C8orf58: variants seen among roughly 807,000 people sequenced by gnomAD.
The protein encoded by C8orf58 is chromosome 8 open reading frame 58.
C8orf58 carries 31 observed loss-of-function variants against 36.8 expected under a neutral mutation model. That is an observed-to-expected ratio of 0.84 (90% CI 0.63 to 1.14). The LOEUF (loss-of-function observed/expected upper bound fraction) is 1.14, where lower values mean the gene tolerates loss of function less well. Ranked by LOEUF, C8orf58 falls within the 50% of genes most tolerant of loss-of-function variation. C8orf58 has a pLI of 0.00. For missense variants in C8orf58, 538 were observed against 480.8 expected (o/e 1.12, Z -1.11); for synonymous variants, 230 against 200.2 (o/e 1.15, Z -1.26).
rs1401533798 is a variant in C8orf58 at position 22,603,688 on chromosome 8, C to G, written c.*382C>G. ...TCTGTGTGACTGTCAGTGTTGCAAGCTGGCTGGATCCAACCATCTCTTCTG... is the reference window on the plus strand; with the variant it reads ...TCTGTGTGACTGTCAGTGTTGCAAGGTGGCTGGATCCAACCATCTCTTCTG... On this transcript the variant is annotated 3_prime_UTR_variant, in exon 7 of 7. Transcript: ENST00000289989. The G allele has an allele frequency of 1.5e-5, 5 of 340,698 alleles. No individual in the cohort carries two copies. The highest frequency in any genetic ancestry group is 2.9e-5 in the Non-Finnish European group (5 of 173,698). The allele number at this position is 340,698 out of a possible 1,614,324, so 21.1% of individuals were successfully genotyped here.
At position 22,599,639 on chromosome 8, in the gene C8orf58, C is replaced by T; in HGVS notation, c.-82C>T. The T allele has an allele frequency of 1.2e-6, 1 of 809,396 alleles. No individual in the cohort carries two copies. 50.1% of individuals were successfully genotyped at this position (809,396 alleles called of 1,614,324 possible). A position where few individuals can be genotyped will look rare whatever the true frequency, so the allele number is the denominator to read the frequency against. On this transcript the variant is annotated 5_prime_UTR_variant, in exon 1 of 7. Transcript: ENST00000289989. ...GCCCAGCTGGGTCGGGACGCGCTCCCTGAGCTGCCCGAGCTCCGCGGGGAC... is the reference window on the plus strand; with the variant it reads ...GCCCAGCTGGGTCGGGACGCGCTCCTTGAGCTGCCCGAGCTCCGCGGGGAC...
At chr8:22,601,938 C>G in intron 3 of C8orf58, 34 bp from the exon 4 acceptor site, 1 of 1,545,876 alleles carries the variant, frequency 6.5e-7, no homozygotes, top group Non-Finnish European at 8.7e-7. Context: ...AGCCCTCTAG[C>G]CAGGCCCTGA....
In C8orf58 at chr8:22,599,658, C is replaced by T; in HGVS notation, c.-63C>T. The T allele has an allele frequency of 1.0e-6, 1 of 961,820 alleles. No homozygotes were observed. The highest frequency in any genetic ancestry group is 1.3e-6 in the Non-Finnish European group (1 of 751,156). The allele number at this position is 961,820 out of a possible 1,614,324, so 59.6% of individuals were successfully genotyped here. On this transcript the variant is annotated 5_prime_UTR_variant, in exon 1 of 7. Transcript: ENST00000289989. ...CGCTCCCTGAGCTGCCCGAGCTCCGCGGGGACTCGGGCCGGGATCCTCGGG... is the reference window on the plus strand; with the variant it reads ...CGCTCCCTGAGCTGCCCGAGCTCCGTGGGGACTCGGGCCGGGATCCTCGGG...
Position 22,603,658 on chromosome 8 carries a change from A to G in C8orf58, c.*352A>G, listed in dbSNP as rs1319032461. ...TGTGTATTTATGCGCAATGGTATGCATATCTCTGTGTGACTGTCAGTGTTG... is the reference window on the plus strand; with the variant it reads ...TGTGTATTTATGCGCAATGGTATGCGTATCTCTGTGTGACTGTCAGTGTTG... On this transcript the variant is annotated 3_prime_UTR_variant, in exon 7 of 7. Transcript: ENST00000289989. 1 of 373,046 alleles carries G rather than the reference A, an allele frequency of 2.7e-6. No individual in the cohort carries two copies. The highest frequency in any genetic ancestry group is 3.7e-5 in the Admixed American group (1 of 26,668). The allele number at this position is 373,046 out of a possible 1,614,324, so 23.1% of individuals were successfully genotyped here.
intron 3 of C8orf58, 57 bp downstream of exon 3, chr8:22,601,909 C>T: frequency 1.3e-6 from 2 of 1,557,278 alleles, no homozygotes; most frequent in Non-Finnish European, 1.7e-6. Context: ...GGAACCATGG[C>T]TGCCCTCAGA....
intron 5 of C8orf58, 55 bp downstream of exon 5, chr8:22,602,367 G>A (rs761629794): frequency 1.8e-6 from 2 of 1,111,534 alleles, no homozygotes; most frequent in Admixed American, 2.0e-5. Context: ...GGGAGGGGAG[G>A]TGGGGGATGC....
At chr8:22,603,091 A>G in intron 6 of C8orf58, 104 bp from the exon 7 acceptor site, 1 of 844,032 alleles carries the variant, frequency 1.2e-6, no homozygotes, top group African/African-American at 1.7e-5. Flanking sequence ...GGCTGCGCCC[A>G]CACCCAGCTA....
chr8:22,600,796 T>G, intron 1 of C8orf58, 86 bp from the exon 2 acceptor site: 5 of 1,174,100 alleles, frequency 4.3e-6, no homozygotes, highest in Non-Finnish European at 6.0e-6. Flanking sequence ...CCGGGACACT[T>G]CTCCCTGGGG....
rs764326504 is a variant in C8orf58 at position 22,601,336 on chromosome 8, G to C, written c.495G>C (p.Glu165Asp). Residue 165 changes from glutamate to aspartate, a missense_variant, in exon 2 of 7, where the codon GAG (glutamate) becomes GAC (aspartate). Physicochemically the swap from Glu to Asp is conservative, Grantham distance 45. Transcript: ENST00000289989. ...QESMEADTDL[E>D]AGLEEEAVGG... ...CCATGGAGGCAGACACAGACCTAGA[G>C]GCAGGCCTGGAAGAAGAGGCGGTGA... is the stretch of plus-strand genomic sequence containing the variant. 2.6e-5 allele frequency: 42 copies of C among 1,587,032 alleles called. No individual in the cohort carries two copies. The highest frequency in any genetic ancestry group is 1.2e-4 in the Admixed American group (7 of 58,510).
chr8:22,599,953 C>G (rs908185726), intron 1 of C8orf58, 193 bp downstream of exon 1: 1 of 367,396 alleles, frequency 2.7e-6, no homozygotes, highest in African/African-American at 2.1e-5. Flanking sequence ...GCTGGAACCC[C>G]TTTGGGCCCA....
intron 1 of C8orf58, chr8:22,600,592 G>A (rs953802471): frequency 2.3e-6 from 1 of 432,058 alleles, no homozygotes. Context: ...TCCTAGGTGG[G>A]AAGCGCAGGC....
Position 22,602,274 on chromosome 8 carries a change from G to A in C8orf58, c.841G>A (p.Glu281Lys). The A allele has an allele frequency of 1.3e-6, 2 of 1,576,588 alleles. No individual in the cohort carries two copies. The highest frequency in any genetic ancestry group is 2.7e-5 in the African/African-American group (2 of 73,690). Residue 281 changes from glutamate (E) to lysine (K), a missense_variant, in exon 5 of 7, where the codon GAG becomes AAG. Coordinates refer to ENST00000289989, the MANE Select transcript of C8orf58 (RefSeq NM_001013842.3). ...TCCCAGGCTGCCAGAAACCCCAGTG[G>A]AGCCAACGTACCACTTGCCATCCTC... ...NPPRLPETPV[E>K]PTYHLPSSQG...
intron 4 of C8orf58, 60 bp downstream of exon 4, chr8:22,602,140 C>T: frequency 6.4e-7 from 1 of 1,553,812 alleles, no homozygotes; most frequent in East Asian, 2.4e-5. Flanking sequence ...AGCAGGTCCT[C>T]TGAGCCGAAG....
At position 22,603,416 on chromosome 8, in the gene C8orf58, C is replaced by T; in HGVS notation, c.*110C>T. 1 of 783,534 alleles carries T rather than the reference C, an allele frequency of 1.3e-6. No homozygotes were observed. Among genetic ancestry groups the T allele is most frequent in the South Asian group, 1.4e-5 (1 of 70,092 alleles). The allele number at this position is 783,534 out of a possible 1,614,324, so 48.5% of individuals were successfully genotyped here. On this transcript the variant is annotated 3_prime_UTR_variant, in exon 7 of 7. Transcript: ENST00000289989. The stretch of plus-strand genomic sequence containing the variant: ...ACATTGCCAGGAAAAGCTGCTGACG[C>T]CTGCCCTCCTCTCTTGAGTCGAGGG...
In C8orf58 at chr8:22,603,315, G is replaced by A. The variant is rs776773199; in HGVS notation, c.*9G>A. ...ACCTTTCTGTAGGCTGAGACCTCTC[G>A]GTGCACCTGGTGACCCTGGGTGGAG... On this transcript the variant is annotated 3_prime_UTR_variant, in exon 7 of 7. Transcript: ENST00000289989. 43 of 1,581,142 alleles carry A rather than the reference G, an allele frequency of 2.7e-5. No homozygotes were observed. Among genetic ancestry groups the A allele is most frequent in the Non-Finnish European group, 3.4e-5 (39 of 1,150,458 alleles).
rs1238360742 is a variant in C8orf58 at position 22,601,939 on chromosome 8, C to G, written c.658-33C>G. On this transcript the variant is annotated intron_variant, in intron 3 of 6. Transcript: ENST00000289989. ...CTCAGAGCAGCTTCAGCCCTCTAGC[C>G]AGGCCCTGATCACCTGTCTCTCCTG... 4 of 1,546,022 alleles carry G rather than the reference C, an allele frequency of 2.6e-6. No homozygotes were observed. The East Asian group carries it at 6.8e-5, about 26-fold the overall frequency.
At position 22,601,262 on chromosome 8, in the gene C8orf58, G is replaced by C; in HGVS notation, c.421G>C (p.Ala141Pro). The stretch of plus-strand genomic sequence containing the variant: ...AGGACAACACCGCTCCCTGCGGCTG[G>C]CAAGCAAGCCTGAGCGTGAAGTGCC... Reference protein sequence around the residue: ...LSGQHRSLRLASKPEREVPLG... With the variant: ...LSGQHRSLRLPSKPEREVPLG... The change falls in exon 2 of 7, where the codon GCA (alanine) becomes CCA (proline). Residue 141 changes from alanine to proline, a missense_variant. Coordinates refer to ENST00000289989, the MANE Select transcript of C8orf58 (RefSeq NM_001013842.3). 1.2e-6 allele frequency: 2 copies of C among 1,610,062 alleles called. No individual in the cohort carries two copies. Among genetic ancestry groups the C allele is most frequent in the Non-Finnish European group, 1.7e-6 (2 of 1,178,370 alleles).
chr8:22,603,463 A>G lies in C8orf58; in HGVS notation c.*157A>G, dbSNP rs767961416. ...AGGGCTGAATCTTTCTCCTCTAAGCAGTCTGGTCAGGAACCTTGGTTTCTT... is the reference window on the plus strand; with the variant it reads ...AGGGCTGAATCTTTCTCCTCTAAGCGGTCTGGTCAGGAACCTTGGTTTCTT... On this transcript the variant is annotated 3_prime_UTR_variant, in exon 7 of 7. Coordinates refer to ENST00000289989, the MANE Select transcript of C8orf58 (RefSeq NM_001013842.3). The G allele has an allele frequency of 2.9e-6, 2 of 692,374 alleles. No homozygotes were observed. The highest frequency in any genetic ancestry group is 5.3e-6 in the Non-Finnish European group (2 of 379,674). The allele number at this position is 692,374 out of a possible 1,614,324, so 42.9% of individuals were successfully genotyped here. A position where few individuals can be genotyped will look rare whatever the true frequency, so the allele number is the denominator to read the frequency against.
chr8:22,603,135 T>C, intron 6 of C8orf58, 60 bp from the exon 7 acceptor site: 1 of 1,297,784 alleles, frequency 7.7e-7, no homozygotes, highest in Non-Finnish European at 1.1e-6. Flanking sequence ...CTCTCAACTC[T>C]AGGGCCATTG....
Sources: gnomAD v4.1 joint callset for allele counts on GRCh38, gnomAD v4.1.1 for gene constraint, MANE v1.5 for transcripts, NCBI Gene and HGNC (gene_info 2026-07-23, HGNC 2026-07-21) for gene names.